KATNBL1: variants seen among roughly 807,000 people sequenced by gnomAD.
The protein encoded by KATNBL1 is katanin regulatory subunit B1 like 1.
Under a neutral mutation model 44.7 loss-of-function variants are expected in KATNBL1, and 28 were observed. The observed-to-expected ratio is 0.63, with a 90% CI of 0.46 to 0.86. The LOEUF is 0.86. KATNBL1 is among the 40% of genes least tolerant of loss of function. The probability of loss-of-function intolerance (pLI) is 0.00; values close to 1 mark genes in which losing one functional copy is unlikely to be tolerated. For synonymous variants in KATNBL1, 78 were observed against 114.9 expected (o/e 0.68, Z 2.06); for missense variants, 272 against 350.7 (o/e 0.78, Z 1.79).
At chr15:34,144,947 TA>T in intron 9 of KATNBL1, 1 of 445,896 alleles carries the variant, frequency 2.2e-6, no homozygotes, top group African/African-American at 2.1e-5. Flanking sequence ...GACAAATCAA[TA>T]AAGACCAAAG....
At chr15:34,178,593 T>TA (rs1415509339) in intron 1 of KATNBL1, among the ~76,000 whole-genome samples, 1 of 151,996 alleles carries the variant, frequency 6.6e-6, no homozygotes, top group South Asian at 2.1e-4. Context: ...CTGTCTCTAC[T>TA]AAAAATACAA....
In KATNBL1 at chr15:34,141,103, G is replaced by GC. The variant is rs1888139522; in HGVS notation, c.*1235dup. 1 of 152,386 alleles carries GC rather than the reference G, an allele frequency of 6.6e-6. No individual in the cohort carries two copies. The highest frequency in any genetic ancestry group is 1.9e-4 in the East Asian group (1 of 5,188). The allele number at this position is 152,386 out of a possible 1,614,324, so 9.4% of individuals were successfully genotyped here. A position where few individuals can be genotyped will look rare whatever the true frequency, so the allele number is the denominator to read the frequency against. On this transcript the variant is annotated 3_prime_UTR_variant, in exon 10 of 10. Coordinates refer to ENST00000256544, the MANE Select transcript of KATNBL1 (RefSeq NM_024713.3). The stretch of plus-strand genomic sequence containing the variant: ...GGATGGGATGATGTGTGAACCACCA[G>GC]CAGTGGTATTAAACCCCAATCATTT...
intron 1 of KATNBL1, among the ~76,000 whole-genome samples, chr15:34,169,811 C>T (rs1335591548): frequency 6.6e-6 from 1 of 152,192 alleles, no homozygotes; most frequent in East Asian, 1.9e-4. Context: ...CGTAATCCAT[C>T]GCATAAACAG....
At chr15:34,171,980 T>A (rs1176436009) in intron 1 of KATNBL1, among the ~76,000 whole-genome samples, 2 of 151,772 alleles carry the variant, frequency 1.3e-5, no homozygotes, top group African/African-American at 2.4e-5. Context: ...ATACCTAATG[T>A]AAATGACAAG....
At chr15:34,169,324 A>G (rs1017256479) in intron 1 of KATNBL1, among the ~76,000 whole-genome samples, 1 of 152,252 alleles carries the variant, frequency 6.6e-6, no homozygotes, top group Admixed American at 6.5e-5. Context: ...CTATGTAAAT[A>G]AACTAGAAAA....
intron 1 of KATNBL1, among the ~76,000 whole-genome samples, chr15:34,181,853 G>GTCCACATATATA (rs1555529422): frequency 1.3e-5 from 1 of 75,016 alleles, no homozygotes; most frequent in Admixed American, 1.3e-4. Flanking sequence ...CATATATATA[G>GTCCACATATATA]TCCATATATA....
chr15:34,152,904 G>A lies in KATNBL1; in HGVS notation c.324C>T (p.Gly108=). 6.2e-7 allele frequency: 1 copy of A among 1,613,974 alleles called. No individual in the cohort carries two copies. The highest frequency in any genetic ancestry group is 2.2e-5 in the East Asian group (1 of 44,866). Residue 108 remains glycine, a synonymous_variant, in exon 4 of 10, where the codon GGC becomes GGT. Coordinates refer to ENST00000256544, the MANE Select transcript of KATNBL1 (RefSeq NM_024713.3). ...ANKENELACA[G]HLPEKLHHDS... ...CATGGTGTAATTTTTCAGGCAGGTGGCCTGCACAAGCCAGTTCATTTTCTT... is the reference window on the plus strand; with the variant it reads ...CATGGTGTAATTTTTCAGGCAGGTGACCTGCACAAGCCAGTTCATTTTCTT...
rs775243841 is a variant in KATNBL1 at position 34,157,163 on chromosome 15, C to T, written c.118-2479G>A. 9.2e-5 allele frequency among the ~76,000 whole-genome samples: 14 copies of T among 152,110 alleles called. No homozygotes were observed. In the East Asian group the frequency reaches 9.6e-4, roughly 10 times the overall value. On this transcript the variant is annotated intron_variant, in intron 2 of 9. Coordinates refer to ENST00000256544, the MANE Select transcript of KATNBL1 (RefSeq NM_024713.3). ...CAAAGGTAATAGTTTGGGGTGAACT[C>T]GACCTAGTTACATTAATAACAAGAG... is the stretch of plus-strand genomic sequence containing the variant.
Position 34,147,269 on chromosome 15 carries a change from T to C in KATNBL1, c.629A>G (p.Tyr210Cys). 6.2e-7 allele frequency: 1 copy of C among 1,613,070 alleles called. No individual in the cohort carries two copies. The highest frequency in any genetic ancestry group is 8.5e-7 in the Non-Finnish European group (1 of 1,179,284). Residue 210 changes from tyrosine to cysteine, a missense_variant, in exon 7 of 10, where the codon TAT (tyrosine) becomes TGT (cysteine). By Grantham distance (194) the Tyr-to-Cys change is radical (BLOSUM62 -2). Coordinates refer to ENST00000256544, the MANE Select transcript of KATNBL1 (RefSeq NM_024713.3). The part of the protein sequence containing the change: ...LTNCLQEEKQ[Y>C]ISLGCCVDLL... Reference sequence around the variant, plus strand: ...GTCAACACAGCAGCCAAGTGAGATATATTGTTTTTCTTCCTGTAAACTAAA... The same window carrying C: ...GTCAACACAGCAGCCAAGTGAGATACATTGTTTTTCTTCCTGTAAACTAAA...
At chr15:34,160,509 T>C (rs919515010) in intron 2 of KATNBL1, among the ~76,000 whole-genome samples, 12 of 152,334 alleles carry the variant, frequency 7.9e-5, no homozygotes, top group African/African-American at 2.6e-4. Context: ...TATTTTCTCA[T>C]TTGCTCTTTG....
At chr15:34,180,302 A>G (rs1889480142) in intron 1 of KATNBL1, among the ~76,000 whole-genome samples, 1 of 151,436 alleles carries the variant, frequency 6.6e-6, no homozygotes, top group African/African-American at 2.4e-5. Flanking sequence ...TTAAACCTAT[A>G]TAGGAGCCTT....
intron 1 of KATNBL1, among the ~76,000 whole-genome samples, chr15:34,189,517 T>G (rs1344103929): frequency 6.6e-6 from 1 of 152,232 alleles, no homozygotes; most frequent in East Asian, 1.9e-4. Context: ...GCAATTTTGC[T>G]TTCGGAAAGT....
intron 1 of KATNBL1, among the ~76,000 whole-genome samples, chr15:34,198,063 T>C (rs1393054935): frequency 6.6e-6 from 1 of 152,116 alleles, no homozygotes. Context: ...CCGAGTTTCT[T>C]TTCTTGACAC....
At chr15:34,168,694 G>A (rs1235841009) in intron 1 of KATNBL1, among the ~76,000 whole-genome samples, 3 of 152,114 alleles carry the variant, frequency 2.0e-5, no homozygotes, top group Admixed American at 6.5e-5. Context: ...TGGAAGTAAA[G>A]CACTCCTCAG....
chr15:34,145,194 A>G, intron 9 of KATNBL1: 2 of 1,369,270 alleles, frequency 1.5e-6, no homozygotes, highest in Non-Finnish European at 1.9e-6. Context: ...TGTACATGAA[A>G]CATGTTCAAT....
intron 1 of KATNBL1, among the ~76,000 whole-genome samples, chr15:34,207,583 CCTA>C (rs1401194044): frequency 6.6e-6 from 1 of 151,452 alleles, no homozygotes; most frequent in Non-Finnish European, 1.5e-5. Context: ...AAGCTTTCCT[CCTA>C]CCGTTGGCCT....
chr15:34,172,631 G>T (rs546057821), intron 1 of KATNBL1, among the ~76,000 whole-genome samples: 1 of 152,258 alleles, frequency 6.6e-6, no homozygotes, highest in South Asian at 2.1e-4. Flanking sequence ...TAATCTTTCT[G>T]CTTCTTGCCT....
At chr15:34,179,640 A>G (rs28672352) in intron 1 of KATNBL1, among the ~76,000 whole-genome samples, 1,784 of 152,294 alleles carry the variant, frequency 0.012, 39 homozygotes, top group African/African-American at 0.041. Flanking sequence ...GGCAAGCAAC[A>G]GTATTTTAAA....
intron 1 of KATNBL1, among the ~76,000 whole-genome samples, chr15:34,186,631 G>A (rs1266076524): frequency 1.3e-5 from 2 of 152,196 alleles, no homozygotes; most frequent in South Asian, 2.1e-4. Context: ...GGACCAGGGC[G>A]TCTCTGCAGT....
Sources: allele counts gnomAD v4.1 joint callset (sites outside exome capture counted in the v4.1 genomes callset), GRCh38; gene constraint gnomAD v4.1.1; transcripts MANE v1.5; gene names NCBI Gene and HGNC (gene_info 2026-07-23, HGNC 2026-07-21).